Variants in GLT1D1 observed in about 807,000 individuals in gnomAD.
GLT1D1 encodes the protein glycosyltransferase 1 domain-containing protein 1.
GLT1D1 carries 21 observed loss-of-function variants against 28.7 expected under a neutral mutation model. The ratio of observed to expected loss-of-function variants is 0.73; its 90% CI spans 0.52 to 1.05. The LOEUF (loss-of-function observed/expected upper bound fraction) is 1.05. Ranked by LOEUF, GLT1D1 falls within the 50% of genes least tolerant of loss-of-function variation. The pLI, the probability that GLT1D1 is intolerant of heterozygous loss-of-function variation, is 0.00. For missense variants in GLT1D1, 343 were observed against 330.6 expected, an observed-to-expected ratio of 1.04 and a Z score of -0.29; for synonymous variants, 147 against 124.8, an observed-to-expected ratio of 1.18 and a Z score of -1.19.
At chr12:128,893,595 T>C (rs1308971218) in intron 3 of GLT1D1, among the ~76,000 whole-genome samples, 4 of 152,086 alleles carry the variant, frequency 2.6e-5, no homozygotes, top group Non-Finnish European at 5.9e-5. Context: ...ATTTTATTGT[T>C]TTTTTTTGGA....
At chr12:128,942,817 C>T (rs910225109) in intron 4 of GLT1D1, among the ~76,000 whole-genome samples, 2 of 147,360 alleles carry the variant, frequency 1.4e-5, no homozygotes, top group Non-Finnish European at 3.0e-5. Context: ...GTGGCACGAT[C>T]TAGGCTCACT....
intron 3 of GLT1D1, 60 bp downstream of exon 3, chr12:128,888,804 T>C (rs1868697140): frequency 7.6e-6 from 9 of 1,176,544 alleles, no homozygotes; most frequent in Non-Finnish European, 1.1e-5. Context: ...TTGAATTAAT[T>C]GAAACCAAAG....
chr12:128,888,904 T>C (rs1300577581), intron 3 of GLT1D1, among the ~76,000 whole-genome samples, 160 bp downstream of exon 3: 1 of 152,248 alleles, frequency 6.6e-6, no homozygotes, highest in African/African-American at 2.4e-5. Flanking sequence ...ACATTTTTAT[T>C]TGGCCACAAA....
Position 128,915,650 on chromosome 12 carries a change from AC to A in GLT1D1, c.375+16364del, listed in dbSNP as rs562150247. On this transcript the variant is annotated intron_variant, in intron 4 of 7. Coordinates refer to ENST00000281703, the MANE Select transcript of GLT1D1 (RefSeq NM_144669.3). ...AGTGCTGGGAATCCAGGCATGAGCC[AC>A]TGGGCCTGGCCAAAAAATGCAACAA... Among the ~76,000 whole-genome samples, 936 of 152,306 alleles carry A rather than the reference AC, an allele frequency of 6.1e-3. 13 individuals carry two copies. The highest frequency in any genetic ancestry group is 0.022 in the African/African-American group (900 of 41,552).
intron 1 of GLT1D1, among the ~76,000 whole-genome samples, chr12:128,866,390 A>G (rs1281916038): frequency 6.6e-6 from 1 of 151,748 alleles, no homozygotes; most frequent in Non-Finnish European, 1.5e-5. Flanking sequence ...TATTTTTTGT[A>G]GTGAAAACAT....
At chr12:128,881,758 G>C (rs979567443) in intron 2 of GLT1D1, among the ~76,000 whole-genome samples, 1 of 149,734 alleles carries the variant, frequency 6.7e-6, no homozygotes, top group Non-Finnish European at 1.5e-5. Context: ...TCTGACTCTT[G>C]CTCTGTAGTT....
intron 4 of GLT1D1, 115 bp from the exon 8 acceptor site, chr12:128,926,990 C>G (rs1439282362): frequency 1.6e-6 from 1 of 624,860 alleles, no homozygotes; most frequent in Non-Finnish European, 2.8e-6. Context: ...GAATGAAAGC[C>G]AAATGATATG....
chr12:128,902,900 C>G (rs1050301317), intron 4 of GLT1D1, among the ~76,000 whole-genome samples: 1 of 150,994 alleles, frequency 6.6e-6, no homozygotes, highest in Non-Finnish European at 1.5e-5. Flanking sequence ...AAAAATTAGC[C>G]GGGCATGGTG....
intron 1 of GLT1D1, among the ~76,000 whole-genome samples, chr12:128,856,335 A>T (rs1956222762): frequency 6.6e-6 from 1 of 152,062 alleles, no homozygotes; most frequent in African/African-American, 2.4e-5. Flanking sequence ...TCATTCTGTG[A>T]CTTAGAATGC....
intron 4 of GLT1D1, among the ~76,000 whole-genome samples, chr12:128,918,878 A>G (rs1002586814): frequency 9.9e-5 from 15 of 152,222 alleles, no homozygotes; most frequent in African/African-American, 3.6e-4. Flanking sequence ...TTGAATGATT[A>G]AGGGAACAGC....
Position 128,883,611 on chromosome 12 carries a change from T to TAGAAGA in GLT1D1, c.218-5025_218-5020dup, listed in dbSNP as rs1446606964. The stretch of plus-strand genomic sequence containing the variant: ...TCTCAAAAAAAAAAAAAAAAAAAAG[T>TAGAAGA]AGAAGAAGCCAAGTTTAGGAAGCTA... On this transcript the variant is annotated intron_variant, in intron 2 of 7. Transcript: ENST00000281703. Among the ~76,000 whole-genome samples, 3 of 144,026 alleles carry TAGAAGA rather than the reference T, an allele frequency of 2.1e-5. No homozygotes were observed. The East Asian group carries it at 6.1e-4, about 29-fold the overall frequency. The allele number at this position is 144,026 out of a possible 152,430, so 94.5% of individuals were successfully genotyped here.
chr12:128,963,985 T>A (rs898401129), intron 7 of GLT1D1, among the ~76,000 whole-genome samples: 1 of 152,198 alleles, frequency 6.6e-6, no homozygotes, highest in African/African-American at 2.4e-5. Flanking sequence ...CATTTCTCTC[T>A]CACAGTCCTA....
At chr12:128,906,707 AG>A (rs1870902289) in intron 4 of GLT1D1, among the ~76,000 whole-genome samples, 1 of 150,612 alleles carries the variant, frequency 6.6e-6, no homozygotes, top group Admixed American at 6.6e-5. Flanking sequence ...CTTTAGAGTG[AG>A]GTTTTTCTTT....
At chr12:128,867,003 G>A (rs552896855) in intron 1 of GLT1D1, among the ~76,000 whole-genome samples, 169 of 152,146 alleles carry the variant, frequency 1.1e-3, no homozygotes, top group African/African-American at 3.9e-3. Context: ...CTGTCTCCCC[G>A]TCTCCCTGGG....
chr12:128,960,001 T>C (rs999216636), intron 7 of GLT1D1, among the ~76,000 whole-genome samples: 3 of 152,328 alleles, frequency 2.0e-5, no homozygotes, highest in Admixed American at 2.0e-4. Flanking sequence ...TCCAATTTCA[T>C]ACAGCCTCTT....
intron 4 of GLT1D1, chr12:128,944,362 G>A: frequency 1.1e-6 from 1 of 880,064 alleles, no homozygotes; most frequent in Non-Finnish European, 1.9e-6. Context: ...TTCTGTTCTG[G>A]AGAATGTTTC....
chr12:128,889,733 A>G (rs764365837), intron 3 of GLT1D1, among the ~76,000 whole-genome samples: 2 of 152,168 alleles, frequency 1.3e-5, no homozygotes, highest in South Asian at 2.1e-4. Context: ...GCTGAGCGCT[A>G]TGTAATCAAA....
intron 7 of GLT1D1, among the ~76,000 whole-genome samples, chr12:128,981,011 T>A (rs1462683561): frequency 6.6e-6 from 1 of 152,200 alleles, no homozygotes; most frequent in African/African-American, 2.4e-5. Flanking sequence ...AGATTCCCGA[T>A]GCAGCCACAC....
chr12:128,898,242 G>A (rs571606087), intron 3 of GLT1D1, among the ~76,000 whole-genome samples: 2 of 151,392 alleles, frequency 1.3e-5, no homozygotes, highest in African/African-American at 4.8e-5. Flanking sequence ...GCACAATCAT[G>A]GCTCACTGCA....
Sources: gnomAD v4.1 joint callset for allele counts (sites outside exome capture counted in the v4.1 genomes callset) on GRCh38, gnomAD v4.1.1 for gene constraint, MANE v1.5 for transcripts, NCBI Gene and HGNC (gene_info 2026-07-23, HGNC 2026-07-21) for gene names.